The following ZNF407 variants were observed in gnomAD, a reference collection of about 807,000 sequenced individuals.
The protein encoded by ZNF407 is zinc finger protein 407.
Under a neutral mutation model 131.2 loss-of-function variants are expected in ZNF407, and 17 were observed. The observed-to-expected ratio is 0.13, with a 90% confidence interval of 0.09 to 0.19. The LOEUF (loss-of-function observed/expected upper bound fraction) is 0.19, where lower values mean the gene tolerates loss of function less well. Among genes scored for constraint, ZNF407 ranks in the 10% least tolerant of loss-of-function variants. The pLI is 1.00. For synonymous variants in ZNF407, 1,156 were observed against 1,062.0 expected (o/e 1.09, Z -1.72); for missense variants, 2,681 against 2,830.6 (o/e 0.95, Z 1.20).
chr18:74,638,190 A>C (rs2144683226), intron 2 of ZNF407, among the ~76,000 whole-genome samples: 1 of 152,340 alleles, frequency 6.6e-6, no homozygotes, highest in African/African-American at 2.4e-5. Flanking sequence ...TTCTGAAGTT[A>C]GGGCTGGTAG....
intron 4 of ZNF407, among the ~76,000 whole-genome samples, chr18:74,844,266 G>A (rs960701087): frequency 2.6e-5 from 4 of 152,042 alleles, no homozygotes; most frequent in Admixed American, 1.3e-4. Flanking sequence ...CTGAGTTTCC[G>A]CAGTTGGACG....
chr18:74,969,735 G>T (rs1972450450), intron 8 of ZNF407, among the ~76,000 whole-genome samples: 2 of 152,104 alleles, frequency 1.3e-5, no homozygotes, highest in Admixed American at 1.3e-4. Context: ...GTGGTAACTG[G>T]GTCTCTTTTC....
At chr18:75,059,019 C>T (rs758694466) in intron 8 of ZNF407, among the ~76,000 whole-genome samples, 1 of 152,198 alleles carries the variant, frequency 6.6e-6, no homozygotes, top group Non-Finnish European at 1.5e-5. Context: ...GACCCGCGCT[C>T]GCATTTATGA....
intron 1 of ZNF407, among the ~76,000 whole-genome samples, chr18:74,617,185 CATCGA>C (rs1983352125): frequency 6.0e-5 from 9 of 149,560 alleles, no homozygotes; most frequent in East Asian, 3.9e-4. Flanking sequence ...TATCCACACA[CATCGA>C]CACACTTTAC....
At chr18:74,846,991 C>CT (rs1335727505) in intron 4 of ZNF407, among the ~76,000 whole-genome samples, 2 of 117,102 alleles carry the variant, frequency 1.7e-5, no homozygotes, top group Admixed American at 1.6e-4. Context: ...AAGACTTAGT[C>CT]TCAAAAAAAA....
chr18:74,739,458 T>C (rs1968496815), intron 3 of ZNF407, among the ~76,000 whole-genome samples: 1 of 151,766 alleles, frequency 6.6e-6, no homozygotes, highest in Non-Finnish European at 1.5e-5. Context: ...ACAGGTATTT[T>C]CCTTTCAGAG....
At position 74,755,885 on chromosome 18, in the gene ZNF407, C is replaced by CTTTTTTTTTTTT. The variant is rs34750560; in HGVS notation, c.4803-25528_4803-25517dup. 1.9e-4 allele frequency among the ~76,000 whole-genome samples: 5 copies of CTTTTTTTTTTTT among 25,822 alleles called. 2 individuals are homozygous for CTTTTTTTTTTTT. The highest frequency in any genetic ancestry group is 6.0e-4 in the African/African-American group (3 of 4,990). The allele number at this position is 25,822 out of a possible 152,430, so 16.9% of individuals were successfully genotyped here. A position where few individuals can be genotyped will look rare whatever the true frequency, so the allele number is the denominator to read the frequency against. Reference sequence around the variant, plus strand: ...CCTTCCTTCCTTCCTCTTTTCCTTCCTTTTTTTTTTTTTTTTTTTTTTTTT... The same window carrying CTTTTTTTTTTTT: ...CCTTCCTTCCTTCCTCTTTTCCTTCCTTTTTTTTTTTTTTTTTTTTTTTTTTTTTTTTTTTTT... On this transcript the variant is annotated intron_variant, in intron 3 of 8. Transcript: ENST00000299687.
At chr18:74,656,745 A>T (rs570258231) in intron 3 of ZNF407, among the ~76,000 whole-genome samples, 10 of 152,328 alleles carry the variant, frequency 6.6e-5, no homozygotes, top group Non-Finnish European at 1.2e-4. Context: ...TTAGGATCAA[A>T]TGTAGCTGAG....
rs959690447 is a variant in ZNF407 at position 74,703,008 on chromosome 18, A to G, written c.4802+61886A>G. Among the ~76,000 whole-genome samples the G allele has an allele frequency of 6.6e-6, 1 of 152,240 alleles. No individual in the cohort carries two copies. The highest frequency in any genetic ancestry group is 2.4e-5 in the African/African-American group (1 of 41,464). ...TTACTGCTTCAGACCCTGATGGTAT[A>G]GGTTTCCATAGAATTTGGGGCTCTT... On this transcript the variant is annotated intron_variant, in intron 3 of 8. Coordinates refer to ENST00000299687, the MANE Select transcript of ZNF407 (RefSeq NM_017757.3). This position sits in a 1 kb window ranked among gnomAD's most constrained non-coding sequence, Gnocchi z 4.1.
intron 1 of ZNF407, chr18:74,598,564 T>A (rs1055802615): frequency 3.3e-5 from 5 of 152,372 alleles, no homozygotes; most frequent in African/African-American, 9.6e-5. Flanking sequence ...GCGCCGCTGC[T>A]ACTCGCGCCT....
intron 3 of ZNF407, among the ~76,000 whole-genome samples, chr18:74,700,157 AG>A (rs1967457409): frequency 6.6e-6 from 1 of 152,186 alleles, no homozygotes; most frequent in Non-Finnish European, 1.5e-5. Context: ...CTACTTTGTG[AG>A]GTTTATTAAA....
Position 74,958,917 on chromosome 18 carries a change from G to T in ZNF407, c.5428+38225G>T, listed in dbSNP as rs568004351. On this transcript the variant is annotated intron_variant, in intron 8 of 8. Coordinates refer to ENST00000299687, the MANE Select transcript of ZNF407 (RefSeq NM_017757.3). ...CAAAAACTCTTTCAATAATTGCAGG[G>T]TTGACAGGTGGATAGGATTTGAATG... 3.3e-5 allele frequency among the ~76,000 whole-genome samples: 5 copies of T among 152,308 alleles called. No individual in the cohort carries two copies. In the East Asian group the frequency reaches 9.6e-4, roughly 29 times the overall value.
At chr18:75,017,712 C>G (rs1365089775) in intron 8 of ZNF407, among the ~76,000 whole-genome samples, 1 of 152,158 alleles carries the variant, frequency 6.6e-6, no homozygotes, top group African/African-American at 2.4e-5. Context: ...GTGTTGTGGT[C>G]CAAGTAACTG....
chr18:74,631,526 C>G lies in ZNF407; in HGVS notation c.507C>G (p.Pro169=), dbSNP rs759847842. 10 of 1,613,680 alleles carry G rather than the reference C, an allele frequency of 6.2e-6. No homozygotes were observed. In the Middle Eastern group the frequency reaches 4.9e-4, roughly 80 times the overall value. ...SLDLERESPF[P]PKEISVSCTI... The stretch of plus-strand genomic sequence containing the variant: ...ATCTGGAAAGAGAATCTCCTTTCCC[C>G]CCGAAAGAAATTAGTGTTAGTTGTA... Residue 169 remains proline, a synonymous_variant, in exon 2 of 9, where the codon CCC becomes CCG. Coordinates refer to ENST00000299687, the MANE Select transcript of ZNF407 (RefSeq NM_017757.3).
At chr18:74,602,119 A>G (rs1486531802) in intron 1 of ZNF407, among the ~76,000 whole-genome samples, 1 of 152,168 alleles carries the variant, frequency 6.6e-6, no homozygotes, top group East Asian at 1.9e-4. Context: ...TCATAATTGT[A>G]CTAACTCCCT....
chr18:74,808,999 C>T (rs190809137), intron 4 of ZNF407, among the ~76,000 whole-genome samples: 135 of 152,156 alleles, frequency 8.9e-4, no homozygotes, highest in African/African-American at 2.8e-3. Flanking sequence ...TAACACAGAC[C>T]GAACCGTGGG....
At chr18:75,017,521 A>G (rs868037896) in intron 8 of ZNF407, among the ~76,000 whole-genome samples, 72 of 152,240 alleles carry the variant, frequency 4.7e-4, no homozygotes, top group African/African-American at 1.7e-3. Context: ...AGTGCTAGTC[A>G]GCAACCACCC....
rs1028563884 is a variant in ZNF407 at position 74,803,865 on chromosome 18, G to A, written c.4877+22363G>A. On this transcript the variant is annotated intron_variant, in intron 4 of 8. Coordinates refer to ENST00000299687, the MANE Select transcript of ZNF407 (RefSeq NM_017757.3). Reference sequence around the variant, plus strand: ...ACTTTCTGGAGCATGGTTTCAAAAAGGTCAGGAATGACGGAGCGAAAAATG... The same window carrying A: ...ACTTTCTGGAGCATGGTTTCAAAAAAGTCAGGAATGACGGAGCGAAAAATG... 11 of 1,279,356 alleles carry A rather than the reference G, an allele frequency of 8.6e-6. No homozygotes were observed. The African/African-American group carries it at 1.3e-4, about 16-fold the overall frequency. 79.3% of individuals were successfully genotyped at this position (1,279,356 alleles called of 1,614,324 possible). A position where few individuals can be genotyped will look rare whatever the true frequency, so the allele number is the denominator to read the frequency against.
intron 8 of ZNF407, among the ~76,000 whole-genome samples, chr18:74,945,487 A>G (rs1972145078): frequency 1.3e-5 from 2 of 152,200 alleles, no homozygotes; most frequent in East Asian, 1.9e-4. Context: ...AAAGGAGCAT[A>G]CATTGCCTGG....
Sources: gnomAD v4.1 joint callset for allele counts (sites outside exome capture counted in the v4.1 genomes callset) on GRCh38, gnomAD v4.1.1 for gene constraint, Gnocchi (gnomAD v3.1) non-coding constraint, MANE v1.5 for transcripts, NCBI Gene and HGNC (gene_info 2026-07-23, HGNC 2026-07-21) for gene names.